The following KLRG2 variants were observed in gnomAD, a reference collection of about 807,000 sequenced individuals.
KLRG2 encodes the protein killer cell lectin like receptor G2, also known as killer cell lectin-like receptor subfamily G member 2.
KLRG2 carries 39 observed loss-of-function variants against 35.4 expected under a neutral mutation model. The ratio of observed to expected loss-of-function variants is 1.10; its 90% CI spans 0.85 to 1.44. KLRG2 has a LOEUF of 1.44. Ranked by LOEUF, KLRG2 falls within the 40% of genes most tolerant of loss-of-function variation. KLRG2 has a pLI of 0.00. For synonymous variants in KLRG2, 283 were observed against 265.8 expected, an observed-to-expected ratio of 1.06 and a Z score of -0.63; for missense variants, 632 against 570.9, an observed-to-expected ratio of 1.11 and a Z score of -1.09.
At chr7:139,454,359 C>A in intron 3 of KLRG2, 145 bp from the exon 4 acceptor site, 1 of 630,216 alleles carries the variant, frequency 1.6e-6, no homozygotes, top group South Asian at 1.8e-5. Flanking sequence ...ACAAAAAAAC[C>A]TTGAAAGCTG....
intron 3 of KLRG2, among the ~76,000 whole-genome samples, chr7:139,465,537 A>C (rs1193718777): frequency 6.6e-6 from 1 of 151,952 alleles, no homozygotes; most frequent in Non-Finnish European, 1.5e-5. Context: ...CTAAAAATAC[A>C]AAAAATTAGC....
intron 3 of KLRG2, 128 bp from the exon 4 acceptor site, chr7:139,454,342 T>G (rs949769309): frequency 1.1e-5 from 7 of 638,536 alleles, no homozygotes; most frequent in Admixed American, 6.0e-5. Flanking sequence ...AAGCCAGCAC[T>G]TGCAGAACAA....
chr7:139,463,466 C>G (rs1328438736), intron 3 of KLRG2, among the ~76,000 whole-genome samples: 2 of 152,202 alleles, frequency 1.3e-5, no homozygotes, highest in African/African-American at 2.4e-5. Context: ...CCAGCCGCAC[C>G]TCCAGCATAC....
At chr7:139,475,211 CAT>C (rs1436266385) in intron 3 of KLRG2, among the ~76,000 whole-genome samples, 1 of 152,190 alleles carries the variant, frequency 6.6e-6, no homozygotes, top group Non-Finnish European at 1.5e-5. Flanking sequence ...AGGCTGAACA[CAT>C]AGAGGCTAAC....
downstream of KLRG2, among the ~76,000 whole-genome samples, chr7:139,448,520 A>AGGC (rs1796334435): frequency 2.0e-5 from 3 of 152,192 alleles, no homozygotes; most frequent in African/African-American, 7.2e-5. Context: ...GAAAAAGTAC[A>AGGC]GTAAAAATAT....
chr7:139,448,722 T>G (rs985775009), downstream of KLRG2: 1 of 78,338 alleles, frequency 1.3e-5, no homozygotes, highest in Non-Finnish European at 2.5e-5. Context: ...TAAAATAAAG[T>G]TTTTTAAAAG....
At chr7:139,444,525 A>T in the KLRG2 span, among the ~76,000 whole-genome samples, 1 of 152,146 alleles carries the variant, frequency 6.6e-6, no homozygotes, top group South Asian at 2.1e-4. Context: ...TAGTGACCTT[A>T]TAAGAGACAC....
At chr7:139,430,996 AGT>A in the KLRG2 span, among the ~76,000 whole-genome samples, 1 of 140,902 alleles carries the variant, frequency 7.1e-6, no homozygotes, top group African/African-American at 2.8e-5. Context: ...TGGGTGACAG[AGT>A]GAGACCCTGT....
At chr7:139,451,894 A>G (rs1011987091), downstream of KLRG2, among the ~76,000 whole-genome samples, 3 of 151,510 alleles carry the variant, frequency 2.0e-5, no homozygotes, top group Non-Finnish European at 4.4e-5. Flanking sequence ...CTGCCCACAT[A>G]GGATGTATTT....
chr7:139,437,603 T>C, the KLRG2 span, among the ~76,000 whole-genome samples: 1 of 152,062 alleles, frequency 6.6e-6, no homozygotes, highest in Admixed American at 6.6e-5. Context: ...ATTACAGGCA[T>C]GTACCACCAC....
downstream of KLRG2, among the ~76,000 whole-genome samples, chr7:139,450,636 T>C (rs1345725738): frequency 6.6e-6 from 1 of 152,224 alleles, no homozygotes; most frequent in African/African-American, 2.4e-5. Context: ...TTATTACTAT[T>C]ATTTTTATTG....
chr7:139,461,133 C>G (rs947490636), intron 3 of KLRG2, among the ~76,000 whole-genome samples: 9 of 151,956 alleles, frequency 5.9e-5, no homozygotes, highest in African/African-American at 2.2e-4. Flanking sequence ...CCTGTAATCC[C>G]CGCTACTCAG....
chr7:139,464,326 C>T (rs1448255415), intron 3 of KLRG2, among the ~76,000 whole-genome samples: 2 of 152,220 alleles, frequency 1.3e-5, no homozygotes, highest in Non-Finnish European at 1.5e-5. Flanking sequence ...TCGCCTGTTA[C>T]AGCATGGCCT....
chr7:139,453,313 A>C lies in KLRG2; in HGVS notation c.*274T>G, dbSNP rs1048924964. 2.0e-5 allele frequency: 10 copies of C among 494,294 alleles called. No individual in the cohort carries two copies. The highest frequency in any genetic ancestry group is 3.5e-5 in the Non-Finnish European group (10 of 284,870). The allele number at this position is 494,294 out of a possible 1,614,324, so 30.6% of individuals were successfully genotyped here. ...AATGAAACCAAGGCACAGAAATGCT[A>C]AACAACCATCCCAATGTCATCAAAC... is the stretch of plus-strand genomic sequence containing the variant. On this transcript the variant is annotated 3_prime_UTR_variant, in exon 5 of 5. Coordinates refer to ENST00000340940, the MANE Select transcript of KLRG2 (RefSeq NM_198508.4).
At chr7:139,432,084 G>A in the KLRG2 span, among the ~76,000 whole-genome samples, 6 of 151,976 alleles carry the variant, frequency 3.9e-5, no homozygotes, top group African/African-American at 7.2e-5. Flanking sequence ...GACCAGGCAC[G>A]GTGCCTCACG....
At position 139,483,414 on chromosome 7, in the gene KLRG2, A is replaced by G. The variant is rs781337216; in HGVS notation, c.229T>C (p.Ser77Pro). The change falls in exon 1 of 5, where the codon TCC becomes CCC. Residue 77 changes from serine (S) to proline (P), a missense_variant. Ser to Pro is a moderately conservative substitution (Grantham distance 74, BLOSUM62 -1). Transcript: ENST00000340940. Reference protein sequence around the residue: ...KKKPPSPRPGSPRVPPLSLGY... With the variant: ...KKKPPSPRPGPPRVPPLSLGY... The stretch of plus-strand genomic sequence containing the variant: ...AGGCTGAGCGGCGGCACGCGCGGGG[A>G]CCCGGGGCGAGGCGAAGGCGGCTTT... 3.2e-6 allele frequency: 5 copies of G among 1,550,184 alleles called. No homozygotes were observed. In the Admixed American group the frequency reaches 5.6e-5, roughly 17 times the overall value.
chr7:139,429,026 A>G, the KLRG2 span, among the ~76,000 whole-genome samples: 1 of 152,216 alleles, frequency 6.6e-6, no homozygotes, highest in Non-Finnish European at 1.5e-5. Context: ...CATTTAAATA[A>G]TCACTTTAGG....
chr7:139,483,150 C>T lies in KLRG2; in HGVS notation c.493G>A (p.Ala165Thr). Reference sequence around the variant, plus strand: ...AGCAGGAGCTGGTGCGCCGGGTCCGCGTGGCGGGAGAAGGCAGGGGACTCG... The same window carrying T: ...AGCAGGAGCTGGTGCGCCGGGTCCGTGTGGCGGGAGAAGGCAGGGGACTCG... ...VPESPAFSRHADPAHQLLLRA... is the reference protein window; with the variant it reads ...VPESPAFSRHTDPAHQLLLRA... The change falls in exon 1 of 5, where the codon GCG becomes ACG. Residue 165 changes from alanine to threonine, a missense_variant. Physicochemically the swap from Ala to Thr is moderately conservative, Grantham distance 58. Transcript: ENST00000340940. The T allele has an allele frequency of 6.7e-7, 1 of 1,490,046 alleles. No individual in the cohort carries two copies. Among genetic ancestry groups the T allele is most frequent in the South Asian group, 1.3e-5 (1 of 78,704 alleles). The allele number at this position is 1,490,046 out of a possible 1,614,324, so 92.3% of individuals were successfully genotyped here.
At chr7:139,481,544 G>A (rs979693294) in intron 1 of KLRG2, among the ~76,000 whole-genome samples, 6 of 152,150 alleles carry the variant, frequency 3.9e-5, no homozygotes, top group African/African-American at 1.4e-4. Context: ...GCTGGGCGGG[G>A]CTCTGACCCC....
Sources: gnomAD v4.1 joint callset for allele counts (sites outside exome capture counted in the v4.1 genomes callset) on GRCh38, gnomAD v4.1.1 for gene constraint, MANE v1.5 for transcripts, NCBI Gene and HGNC (gene_info 2026-07-23, HGNC 2026-07-21) for gene names.